ZNF354B: variants seen among roughly 807,000 people sequenced by gnomAD.
ZNF354B encodes the protein zinc finger protein 354B.
Under a neutral mutation model 12.9 loss-of-function variants are expected in ZNF354B, and 10 were observed. The observed-to-expected ratio is 0.77, with a 90% CI of 0.48 to 1.31. The LOEUF (loss-of-function observed/expected upper bound fraction) is 1.31. Ranked by LOEUF, ZNF354B falls within the 40% of genes most tolerant of loss-of-function variation. The probability of loss-of-function intolerance (pLI) is 0.00; values close to 1 mark genes in which losing one functional copy is unlikely to be tolerated. For synonymous variants in ZNF354B, 260 were observed against 243.7 expected, an observed-to-expected ratio of 1.07 and a Z score of -0.62; for missense variants, 614 against 711.7, an observed-to-expected ratio of 0.86 and a Z score of 1.56.
chr5:178,867,358 C>G (rs1757478992), intron 4 of ZNF354B, among the ~76,000 whole-genome samples: 1 of 152,314 alleles, frequency 6.6e-6, no homozygotes, highest in Non-Finnish European at 1.5e-5. Flanking sequence ...CAAATAATCA[C>G]TCTGGCTGAA....
Position 178,884,080 on chromosome 5 carries a change from T to C in ZNF354B, c.1628T>C (p.Ile543Thr). 6.2e-7 allele frequency: 1 copy of C among 1,614,092 alleles called. No individual in the cohort carries two copies. Among genetic ancestry groups the C allele is most frequent in the Non-Finnish European group, 8.5e-7 (1 of 1,179,966 alleles). Reference protein sequence around the residue: ...QSAALIQHQRIHTGEKPFKCN... With the variant: ...QSAALIQHQRTHTGEKPFKCN... ...GCAGCTCTTATACAACATCAGAGGA[T>C]TCATACAGGAGAAAAACCCTTTAAA... Residue 543 changes from isoleucine (I) to threonine (T), a missense_variant, in exon 5 of 5, where the codon ATT becomes ACT. Physicochemically the swap from Ile to Thr is moderately conservative, Grantham distance 89 (BLOSUM62 -1). Coordinates refer to ENST00000322434, the MANE Select transcript of ZNF354B (RefSeq NM_058230.3).
At chr5:178,879,604 C>G (rs181228328) in intron 4 of ZNF354B, among the ~76,000 whole-genome samples, 12 of 152,084 alleles carry the variant, frequency 7.9e-5, no homozygotes, top group Admixed American at 7.9e-4. Context: ...GTCTTGAACT[C>G]CTGACCTCCT....
intron 4 of ZNF354B, among the ~76,000 whole-genome samples, chr5:178,879,819 C>T (rs761904169): frequency 1.3e-5 from 2 of 152,152 alleles, no homozygotes; most frequent in African/African-American, 2.4e-5. Flanking sequence ...TGGAAAAGTT[C>T]GAGTATATAT....
At chr5:178,863,892 T>C (rs2114006903) in intron 2 of ZNF354B, among the ~76,000 whole-genome samples, 1 of 152,182 alleles carries the variant, frequency 6.6e-6, no homozygotes, top group African/African-American at 2.4e-5. Context: ...TAAAAGCTTT[T>C]GAAATAGGAG....
At chr5:178,877,647 A>T (rs776910802) in intron 4 of ZNF354B, among the ~76,000 whole-genome samples, 4 of 152,196 alleles carry the variant, frequency 2.6e-5, no homozygotes, top group Non-Finnish European at 5.9e-5. Flanking sequence ...TGCAGTCAGA[A>T]CCCAGATCCC....
rs1376880832 is a variant in ZNF354B, at chr5:178,882,837, G to C, written c.385G>C (p.Glu129Gln). 1 of 1,606,474 alleles carries C rather than the reference G, an allele frequency of 6.2e-7. No homozygotes were observed. Among genetic ancestry groups the C allele is most frequent in the Admixed American group, 1.7e-5 (1 of 58,236 alleles). ...ATCAGAAAGATCCTGCATATATGAA[G>C]AGAAATTAAAGAAACAGCAGGACAA... Reference protein sequence around the residue: ...FISERSCIYEEKLKKQQDKNE... With the variant: ...FISERSCIYEQKLKKQQDKNE... The change falls in exon 5 of 5, where the codon GAG becomes CAG. Residue 129 changes from glutamate to glutamine, a missense_variant. Glu to Gln is a conservative substitution (Grantham distance 29). Coordinates refer to ENST00000322434, the MANE Select transcript of ZNF354B (RefSeq NM_058230.3).
rs112147758 is a variant in ZNF354B at position 178,871,452 on chromosome 5, C to A, written c.256+4381C>A. Reference sequence around the variant, plus strand: ...CTGACACGCAGCCCTGCAGCCCCCACGCCATCTCCTCACCGTGCTTTATTT... The same window carrying A: ...CTGACACGCAGCCCTGCAGCCCCCAAGCCATCTCCTCACCGTGCTTTATTT... On this transcript the variant is annotated intron_variant, in intron 4 of 4. Transcript: ENST00000322434. Among the ~76,000 whole-genome samples the A allele has an allele frequency of 3.3e-5, 5 of 152,138 alleles. No homozygotes were observed. The East Asian group carries it at 9.6e-4, about 29-fold the overall frequency.
chr5:178,870,641 C>T (rs1024767230), intron 4 of ZNF354B, among the ~76,000 whole-genome samples: 8 of 152,048 alleles, frequency 5.3e-5, no homozygotes, highest in African/African-American at 9.7e-5. Flanking sequence ...GGGTGGTGAA[C>T]GGAGGGGTTG....
At chr5:178,876,034 C>A (rs1005524548) in intron 4 of ZNF354B, among the ~76,000 whole-genome samples, 2 of 152,192 alleles carry the variant, frequency 1.3e-5, no homozygotes, top group African/African-American at 2.4e-5. Context: ...CATATGGTGG[C>A]TGTAGTGTAC....
In ZNF354B at chr5:178,884,372, T is replaced by C; in HGVS notation, c.*81T>C. 2 of 1,405,718 alleles carry C rather than the reference T, an allele frequency of 1.4e-6. No individual in the cohort carries two copies. Among genetic ancestry groups the C allele is most frequent in the East Asian group, 4.7e-5 (2 of 42,642 alleles). The allele number at this position is 1,405,718 out of a possible 1,614,324, so 87.1% of individuals were successfully genotyped here. A position where few individuals can be genotyped will look rare whatever the true frequency, so the allele number is the denominator to read the frequency against. On this transcript the variant is annotated 3_prime_UTR_variant, in exon 5 of 5. Coordinates refer to ENST00000322434, the MANE Select transcript of ZNF354B (RefSeq NM_058230.3). ...ATAATGAATATGAGAAAACTCTTAG[T>C]TCTCATCAGATACTAAGTTTTAAGA...
intron 4 of ZNF354B, 111 bp downstream of exon 4, chr5:178,867,182 G>A: frequency 9.5e-7 from 1 of 1,049,016 alleles, no homozygotes; most frequent in Non-Finnish European, 1.5e-6. Flanking sequence ...CAGGCCTCAA[G>A]AAGTGGTGGG....
Position 178,866,784 on chromosome 5 carries a change from T to A in ZNF354B, c.161-192T>A, listed in dbSNP as rs142474640. ...AAAATCCATCTTCAAAAGGGAATCATACGATGTTTTCTCATTTTAAAAAAA... is the reference window on the plus strand; with the variant it reads ...AAAATCCATCTTCAAAAGGGAATCAAACGATGTTTTCTCATTTTAAAAAAA... On this transcript the variant is annotated intron_variant, in intron 3 of 4. Coordinates refer to ENST00000322434, the MANE Select transcript of ZNF354B (RefSeq NM_058230.3). 9.1e-3 allele frequency among the ~76,000 whole-genome samples: 1,385 copies of A among 152,296 alleles called. 18 individuals are homozygous for A. Among genetic ancestry groups the A allele is most frequent in the African/African-American group, 0.032 (1,333 of 41,550 alleles).
chr5:178,874,420 C>A (rs1460007973), intron 4 of ZNF354B, among the ~76,000 whole-genome samples: 1 of 152,182 alleles, frequency 6.6e-6, no homozygotes, highest in African/African-American at 2.4e-5. Flanking sequence ...CCTTATTTCT[C>A]AGGTTTTGTT....
At chr5:178,872,799 T>G (rs1359965170) in intron 4 of ZNF354B, among the ~76,000 whole-genome samples, 1 of 152,184 alleles carries the variant, frequency 6.6e-6, no homozygotes, top group Non-Finnish European at 1.5e-5. Flanking sequence ...TATTTTTTAT[T>G]TTTTGGAGAC....
intron 4 of ZNF354B, among the ~76,000 whole-genome samples, chr5:178,880,831 ATTTTTTTTTTTTTTTTT>A (rs56013359): frequency 1.3e-5 from 1 of 76,146 alleles, no homozygotes; most frequent in Non-Finnish European, 2.3e-5. Flanking sequence ...ACTCATGGTC[ATTTTTTTTTTTTTTTTT>A]TTTTTTTTTT....
intron 2 of ZNF354B, among the ~76,000 whole-genome samples, chr5:178,865,955 C>T (rs74733674): frequency 0.15 from 22,533 of 151,960 alleles, 2,035 homozygotes; most frequent in African/African-American, 0.25. Flanking sequence ...GTTCTAAGTT[C>T]TTATGTATTA....
chr5:178,862,260 C>G (rs1402049527), intron 2 of ZNF354B, among the ~76,000 whole-genome samples: 1 of 151,842 alleles, frequency 6.6e-6, no homozygotes, highest in East Asian at 1.9e-4. Flanking sequence ...ATGCCTGGCT[C>G]TGAGTTCCGT....
chr5:178,861,636 G>C (rs1477577577), intron 2 of ZNF354B, among the ~76,000 whole-genome samples: 2 of 150,716 alleles, frequency 1.3e-5, no homozygotes, highest in Non-Finnish European at 3.0e-5. Context: ...AGAGTGAACA[G>C]AGTTGGAGAG....
At chr5:178,862,078 T>G (rs1237610930) in intron 2 of ZNF354B, among the ~76,000 whole-genome samples, 1 of 152,218 alleles carries the variant, frequency 6.6e-6, no homozygotes, top group Non-Finnish European at 1.5e-5. Context: ...CTTTATTCAT[T>G]TTTTTATCTA....
Sources: allele counts gnomAD v4.1 joint callset (sites outside exome capture counted in the v4.1 genomes callset), GRCh38; gene constraint gnomAD v4.1.1; transcripts MANE v1.5; gene names NCBI Gene and HGNC (gene_info 2026-07-23, HGNC 2026-07-21).